ZMYM4: variants seen among roughly 807,000 people sequenced by gnomAD.
ZMYM4 encodes the protein zinc finger MYM-type protein 4.
A neutral mutation model predicts 183.2 loss-of-function variants in ZMYM4; 31 were observed. The ratio of observed to expected loss-of-function variants is 0.17; its 90% CI spans 0.13 to 0.23. The LOEUF (loss-of-function observed/expected upper bound fraction) is 0.23, where lower values mean the gene tolerates loss of function less well. Ranked by LOEUF, ZMYM4 falls within the 10% of genes least tolerant of loss-of-function variation. The pLI, the probability that ZMYM4 is intolerant of heterozygous loss-of-function variation, is 1.00. For synonymous variants in ZMYM4, 592 were observed against 631.2 expected (o/e 0.94, Z 0.93); for missense variants, 1,273 against 1,840.3 (o/e 0.69, Z 5.64).
chr1:35,402,904 A>G (rs888379390), intron 23 of ZMYM4, among the ~76,000 whole-genome samples: 2 of 152,148 alleles, frequency 1.3e-5, no homozygotes, highest in Admixed American at 6.5e-5. Flanking sequence ...CTTCAGTACA[A>G]TGTTGAATAT....
rs1226572712 is a variant in ZMYM4, at chr1:35,413,956, T to C, written c.3949-16T>C. On this transcript the variant is annotated splice_polypyrimidine_tract_variant and intron_variant, in intron 26 of 29. Coordinates refer to ENST00000314607, the MANE Select transcript of ZMYM4 (RefSeq NM_005095.3). ...CTTTTTATCAACATGTATATTTTCTTTTTTTTTTCTTGTAGTACCTGTTTG... is the reference window on the plus strand; with the variant it reads ...CTTTTTATCAACATGTATATTTTCTCTTTTTTTTCTTGTAGTACCTGTTTG... 3.7e-6 allele frequency: 5 copies of C among 1,337,204 alleles called. No homozygotes were observed. Among genetic ancestry groups the C allele is most frequent in the Non-Finnish European group, 5.2e-6 (5 of 969,168 alleles). The allele number at this position is 1,337,204 out of a possible 1,614,324, so 82.8% of individuals were successfully genotyped here.
chr1:35,391,461 G>A (rs1450715478), intron 15 of ZMYM4, among the ~76,000 whole-genome samples: 1 of 151,992 alleles, frequency 6.6e-6, no homozygotes, highest in Non-Finnish European at 1.5e-5. Context: ...AACAACACTA[G>A]TATCATCCTG....
intron 28 of ZMYM4, among the ~76,000 whole-genome samples, chr1:35,416,720 C>T (rs1020868704): frequency 2.6e-5 from 4 of 152,260 alleles, no homozygotes; most frequent in Admixed American, 6.5e-5. Flanking sequence ...TGTGCTACCA[C>T]GCCTGGCTAA....
rs747857258 is a variant in ZMYM4 at position 35,398,907 on chromosome 1, A to G, written c.3297A>G (p.Val1099=). The change falls in exon 22 of 30, where the codon GTA becomes GTG. Residue 1099 remains valine, a synonymous_variant. Transcript: ENST00000314607. The part of the protein sequence containing the change: ...TYSGDLESEA[V]STPHSWEEEL... ...GTGGTGATCTTGAATCAGAGGCAGT[A>G]TCTACTCCACATAGCTGGGAGGAAG... The G allele has an allele frequency of 2.5e-6, 4 of 1,614,152 alleles. No homozygotes were observed. The Admixed American group carries it at 5.0e-5, about 20-fold the overall frequency.
At chr1:35,289,334 G>A (rs1178631584) in intron 1 of ZMYM4, among the ~76,000 whole-genome samples, 1 of 152,126 alleles carries the variant, frequency 6.6e-6, no homozygotes, top group African/African-American at 2.4e-5. Flanking sequence ...GGAGTAGAGT[G>A]TAGATGATGA....
rs559691561 is a variant in ZMYM4, at chr1:35,273,500, A to G, written c.39+4415A>G. ...TTTGTTGTAAAATCCTTGTCTTTTC[A>G]AAGTTTACATACAAAATAATAACTT... is the stretch of plus-strand genomic sequence containing the variant. On this transcript the variant is annotated intron_variant, in intron 1 of 29. Coordinates refer to ENST00000314607, the MANE Select transcript of ZMYM4 (RefSeq NM_005095.3). Among the ~76,000 whole-genome samples, 209 of 152,320 alleles carry G rather than the reference A, an allele frequency of 1.4e-3. 1 individual carries two copies. The highest frequency in any genetic ancestry group is 4.8e-3 in the African/African-American group (201 of 41,576).
At position 35,392,709 on chromosome 1, in the gene ZMYM4, ATT is replaced by A. The variant is rs535172936; in HGVS notation, c.2766+26_2766+27del. 1.1e-4 allele frequency: 166 copies of A among 1,571,126 alleles called. No homozygotes were observed. The African/African-American group carries it at 2.1e-3, about 20-fold the overall frequency. On this transcript the variant is annotated intron_variant, in intron 17 of 29. Transcript: ENST00000314607. ...TGTAAGTTTTATTACTTTTATTGGT[ATT>A]GTCACTGTATTTATTTTTCATTTTC...
chr1:35,296,356 C>CGTA (rs1557938655), intron 1 of ZMYM4, among the ~76,000 whole-genome samples: 1 of 118,196 alleles, frequency 8.5e-6, no homozygotes, highest in Admixed American at 8.9e-5. Flanking sequence ...AAGCCACTAG[C>CGTA]GATACCTCCA....
At chr1:35,318,449 G>GT (rs1265857106) in intron 1 of ZMYM4, among the ~76,000 whole-genome samples, 1 of 151,774 alleles carries the variant, frequency 6.6e-6, no homozygotes, top group East Asian at 1.9e-4. Context: ...TCCTGGTAGG[G>GT]TTTTTTGTTT....
At chr1:35,313,534 G>A (rs985003246) in intron 1 of ZMYM4, among the ~76,000 whole-genome samples, 6 of 151,684 alleles carry the variant, frequency 4.0e-5, no homozygotes, top group Non-Finnish European at 5.9e-5. Context: ...GACTACAGGC[G>A]GGCGTCACCA....
At chr1:35,269,412 C>T (rs1307427448) in intron 1 of ZMYM4, among the ~76,000 whole-genome samples, 1 of 149,144 alleles carries the variant, frequency 6.7e-6, no homozygotes, top group African/African-American at 2.5e-5. Flanking sequence ...ATCTTTAGTA[C>T]ATCAGAGTCT....
intron 1 of ZMYM4, among the ~76,000 whole-genome samples, chr1:35,280,354 T>C (rs1470134109): frequency 6.6e-6 from 1 of 152,080 alleles, no homozygotes; most frequent in African/African-American, 2.4e-5. Context: ...CACAGGCTGA[T>C]CTCGAACTCA....
intron 2 of ZMYM4, among the ~76,000 whole-genome samples, chr1:35,331,947 T>A (rs1201082896): frequency 6.6e-6 from 1 of 151,930 alleles, no homozygotes; most frequent in Non-Finnish European, 1.5e-5. Context: ...ATGTTGTAAA[T>A]GTTTGAATAT....
chr1:35,281,992 TC>T (rs1640193982), intron 1 of ZMYM4, among the ~76,000 whole-genome samples: 1 of 152,230 alleles, frequency 6.6e-6, no homozygotes, highest in African/African-American at 2.4e-5. Flanking sequence ...AACTTCTCAT[TC>T]CTTTTTATGG....
At chr1:35,407,329 G>A (rs1645021279) in intron 25 of ZMYM4, among the ~76,000 whole-genome samples, 1 of 151,898 alleles carries the variant, frequency 6.6e-6, no homozygotes, top group African/African-American at 2.4e-5. Flanking sequence ...CTACTCAGGA[G>A]GCTGAGATAG....
chr1:35,282,979 GGTTTTT>G (rs1640255024), intron 1 of ZMYM4, among the ~76,000 whole-genome samples: 1 of 43,240 alleles, frequency 2.3e-5, no homozygotes, highest in Admixed American at 2.5e-4. Context: ...CTGTGTGTGT[GGTTTTT>G]TTTTTTTTTT....
intron 7 of ZMYM4, among the ~76,000 whole-genome samples, chr1:35,380,162 A>G (rs1454207253): frequency 6.6e-6 from 1 of 152,196 alleles, no homozygotes; most frequent in Non-Finnish European, 1.5e-5. Flanking sequence ...TCTTTTCTTT[A>G]AAAGTATCCT....
chr1:35,370,249 A>G (rs1214616511), intron 6 of ZMYM4, 123 bp from the exon 7 acceptor site: 2 of 1,448,350 alleles, frequency 1.4e-6, no homozygotes, highest in African/African-American at 2.9e-5. Context: ...TTGCATAATT[A>G]CTGTTGGGTT....
intron 2 of ZMYM4, 30 bp downstream of exon 2, chr1:35,325,435 G>T (rs1187063612): frequency 6.3e-7 from 1 of 1,586,024 alleles, no homozygotes. Flanking sequence ...AAACAATCAT[G>T]TCTTTAGATA....
Sources: gnomAD v4.1 joint callset for allele counts (sites outside exome capture counted in the v4.1 genomes callset) on GRCh38, gnomAD v4.1.1 for gene constraint, MANE v1.5 for transcripts, NCBI Gene and HGNC (gene_info 2026-07-23, HGNC 2026-07-21) for gene names.